Variants in FREM3 observed in about 807,000 individuals in gnomAD.
The protein encoded by FREM3 is FRAS1-related extracellular matrix protein 3.
FREM3 carries 105 observed loss-of-function variants against 129.1 expected under a neutral mutation model. That is an observed-to-expected ratio of 0.81 (90% CI 0.69 to 0.96). The LOEUF is 0.96. Among genes scored for constraint, FREM3 ranks in the 40% least tolerant of loss-of-function variants. The probability of loss-of-function intolerance (pLI) is 0.00; values close to 1 mark genes in which losing one functional copy is unlikely to be tolerated. For synonymous variants in FREM3, 1,014 were observed against 1,044.9 expected, an observed-to-expected ratio of 0.97 and a Z score of 0.57; for missense variants, 2,593 against 2,666.3, an observed-to-expected ratio of 0.97 and a Z score of 0.61.
At chr4:143,603,635 T>TA (rs1268127539) in intron 6 of FREM3, among the ~76,000 whole-genome samples, 1 of 152,100 alleles carries the variant, frequency 6.6e-6, no homozygotes, top group African/African-American at 2.4e-5. Flanking sequence ...GTATTATCTA[T>TA]ATGAGAAAGA....
chr4:143,673,983 C>G (rs542980822), intron 2 of FREM3, among the ~76,000 whole-genome samples: 2 of 152,326 alleles, frequency 1.3e-5, no homozygotes, highest in East Asian at 3.9e-4. Context: ...TTCCAGGTGC[C>G]CTCTGTCACA....
Position 143,696,127 on chromosome 4 carries a change from C to A in FREM3, c.4549G>T (p.Gly1517Cys), listed in dbSNP as rs770282209. The change falls in exon 1 of 8, where the codon GGC becomes TGC. Residue 1517 changes from glycine (G) to cysteine (C), a missense_variant. Around this residue, in one of 2 missense-constraint regions of FREM3, gnomAD observed 2,276 missense variants for 2,267.2 expected, o/e 1.00. Coordinates refer to ENST00000329798, the MANE Select transcript of FREM3 (RefSeq NM_001168235.2). ...GTTCTGAACACAGGGTAGAGTTCGC[C>A]GATCACTTGAAATTCGAAGCTGTCC... is the stretch of plus-strand genomic sequence containing the variant. ...KMDSFEFQVIGELYPVFRTFR... is the reference protein window; with the variant it reads ...KMDSFEFQVICELYPVFRTFR... The A allele has an allele frequency of 2.0e-6, 3 of 1,537,450 alleles. No individual in the cohort carries two copies. The highest frequency in any genetic ancestry group is 2.6e-6 in the Non-Finnish European group (3 of 1,146,962).
rs186809785 is a variant in FREM3 at position 143,583,918 on chromosome 4, C to T, written c.6178+1926G>A. ...ACACAATTGAGTCTGCATAATAAAC[C>T]GCTAACAACAAGATGACAGCATTAA... is the stretch of plus-strand genomic sequence containing the variant. On this transcript the variant is annotated intron_variant, in intron 7 of 7. Coordinates refer to ENST00000329798, the MANE Select transcript of FREM3 (RefSeq NM_001168235.2). Among the ~76,000 whole-genome samples the T allele has an allele frequency of 5.1e-3, 777 of 152,208 alleles. 4 individuals carry two copies. The highest frequency in any genetic ancestry group is 0.018 in the African/African-American group (734 of 41,524).
At chr4:143,642,442 A>G (rs1578847429) in intron 2 of FREM3, among the ~76,000 whole-genome samples, 1 of 152,208 alleles carries the variant, frequency 6.6e-6, no homozygotes, top group East Asian at 1.9e-4. Context: ...GAACAGACAC[A>G]CAGACCAATT....
rs1243778251 is a variant in FREM3, at chr4:143,699,342, T to C, written c.1334A>G (p.Glu445Gly). 10 of 1,537,198 alleles carry C rather than the reference T, an allele frequency of 6.5e-6. No individual in the cohort carries two copies. The highest frequency in any genetic ancestry group is 8.7e-6 in the Non-Finnish European group (10 of 1,146,924). ...ASHNRGLVLF[E>G]GQSRPLSSTH... is the part of the protein sequence containing the mutation. ...GCTGGACAAGGGCCTTGACTGACCT[T>C]CAAAAAGCACAAGTCCCCTGTTATG... Residue 445 changes from glutamate (E) to glycine (G), a missense_variant, in exon 1 of 8, where the codon GAA becomes GGA. This residue lies in a region of FREM3 where 2,276 missense variants were observed against 2,267.2 expected (regional missense o/e 1.00). Transcript: ENST00000329798. The surrounding 1 kb of genome is among the most constrained non-coding windows in gnomAD (Gnocchi z 4.2).
chr4:143,698,978 T>C lies in FREM3; in HGVS notation c.1698A>G (p.Val566=), dbSNP rs576975164. 1 of 1,537,170 alleles carries C rather than the reference T, an allele frequency of 6.5e-7. No individual in the cohort carries two copies. Among genetic ancestry groups the C allele is most frequent in the South Asian group, 1.2e-5 (1 of 84,056 alleles). Residue 566 remains valine (V), a synonymous_variant, in exon 1 of 8, where the codon GTA becomes GTG. Transcript: ENST00000329798. ...EGQVVQISPF[V]LSATDIDSED... is the part of the protein sequence containing the mutation. ...CAGAGTCAATATCAGTAGCACTCAG[T>C]ACAAAGGGAGAGATCTGGACCACCT...
chr4:143,678,208 C>A (rs1578865762), intron 2 of FREM3, among the ~76,000 whole-genome samples: 1 of 152,108 alleles, frequency 6.6e-6, no homozygotes, highest in East Asian at 1.9e-4. Context: ...TACTATGCAG[C>A]CATAAAAACT....
intron 2 of FREM3, among the ~76,000 whole-genome samples, chr4:143,659,709 G>A (rs1210892712): frequency 1.3e-5 from 2 of 150,366 alleles, no homozygotes; most frequent in East Asian, 3.9e-4. Context: ...CAGTGTAAAA[G>A]TGTTCCTATT....
chr4:143,604,556 T>A (rs1417719663), intron 6 of FREM3, among the ~76,000 whole-genome samples: 1 of 152,166 alleles, frequency 6.6e-6, no homozygotes, highest in Non-Finnish European at 1.5e-5. Context: ...TTTTCATTAA[T>A]TATTAATATC....
At chr4:143,593,502 C>T (rs1159897300) in intron 6 of FREM3, among the ~76,000 whole-genome samples, 3 of 152,132 alleles carry the variant, frequency 2.0e-5, no homozygotes, top group Non-Finnish European at 4.4e-5. Flanking sequence ...GAGGTCCACT[C>T]CAGACCCTGT....
At chr4:143,661,404 T>A (rs1350044156) in intron 2 of FREM3, among the ~76,000 whole-genome samples, 1 of 152,126 alleles carries the variant, frequency 6.6e-6, no homozygotes, top group African/African-American at 2.4e-5. Context: ...TTGATTTGCG[T>A]ATATTGAACC....
chr4:143,662,967 C>G (rs1413458889), intron 2 of FREM3, among the ~76,000 whole-genome samples: 1 of 152,032 alleles, frequency 6.6e-6, no homozygotes, highest in Non-Finnish European at 1.5e-5. Context: ...TATTTTGAGC[C>G]TATGTGTATT....
chr4:143,592,914 A>G (rs1322815186), intron 6 of FREM3, among the ~76,000 whole-genome samples: 4 of 152,016 alleles, frequency 2.6e-5, no homozygotes, highest in Non-Finnish European at 5.9e-5. Flanking sequence ...ATAGTCCCAT[A>G]TTTCTTGGAG....
At position 143,700,125 on chromosome 4, in the gene FREM3, C is replaced by T; in HGVS notation, c.551G>A (p.Trp184Ter). The T allele has an allele frequency of 6.5e-7, 1 of 1,537,072 alleles. No individual in the cohort carries two copies. Among genetic ancestry groups the T allele is most frequent in the South Asian group, 1.2e-5 (1 of 84,060 alleles). The part of the protein sequence containing the change: ...RPLVVEKLRS[W>*]SRAIDRRVLD... ...CACTCTCCTGTCTATGGCGCGGCTC[C>T]AGCTTCGCAGCTTCTCCACTACCAA... The change falls in exon 1 of 8, where the codon TGG becomes TAG. Residue 184 changes from tryptophan (W) to a stop codon, truncating the protein, a stop_gained. Transcript: ENST00000329798. LOFTEE classifies it high-confidence loss of function.
At position 143,609,072 on chromosome 4, in the gene FREM3, C is replaced by T. The variant is rs141583776; in HGVS notation, c.6028+2207G>A. ...GGAGGGAAAGGGTTCCTAGAGACAA[C>T]CCAATCAATCTCCTTATTTCAAGAT... On this transcript the variant is annotated intron_variant, in intron 6 of 7. Transcript: ENST00000329798. 6.6e-3 allele frequency among the ~76,000 whole-genome samples: 1,009 copies of T among 152,108 alleles called. 5 individuals carry two copies. Among genetic ancestry groups the T allele is most frequent in the South Asian group, 0.037 (177 of 4,814 alleles).
chr4:143,660,584 T>C (rs1739693737), intron 2 of FREM3, among the ~76,000 whole-genome samples: 1 of 152,310 alleles, frequency 6.6e-6, no homozygotes, highest in South Asian at 2.1e-4. Flanking sequence ...TTTGGTTCCA[T>C]GTGAACTTTA....
chr4:143,621,160 A>T lies in FREM3; in HGVS notation c.5656T>A (p.Ser1886Thr). 6.5e-7 allele frequency: 1 copy of T among 1,537,014 alleles called. No homozygotes were observed. Among genetic ancestry groups the T allele is most frequent in the Non-Finnish European group, 8.7e-7 (1 of 1,146,786 alleles). ...TVEIVDPGDE[S>T]TVYIPEAEYK... ...TCCGCCTCTGGAATATAAACTGTTG[A>T]TTCTAGAAAAGATGGCAGAAGACTT... is the stretch of plus-strand genomic sequence containing the variant. The change falls in exon 5 of 8, where the codon TCA (serine) becomes ACA (threonine). Residue 1886 changes from serine (S) to threonine (T), a missense_variant and splice_region_variant. Physicochemically the swap from Ser to Thr is moderately conservative, Grantham distance 58. Around this residue, in one of 2 missense-constraint regions of FREM3, gnomAD observed 317 missense variants for 399.0 expected, o/e 0.79. Coordinates refer to ENST00000329798, the MANE Select transcript of FREM3 (RefSeq NM_001168235.2).
chr4:143,639,705 C>G (rs1165726411), intron 2 of FREM3, among the ~76,000 whole-genome samples: 1 of 152,144 alleles, frequency 6.6e-6, no homozygotes, highest in Non-Finnish European at 1.5e-5. Flanking sequence ...TACAAACTGT[C>G]TGGGAACAGA....
In FREM3 at chr4:143,663,294, C is replaced by G. The variant is rs536981529; in HGVS notation, c.5275+29819G>C. On this transcript the variant is annotated intron_variant, in intron 2 of 7. Transcript: ENST00000329798. ...GGCAGGCCTGGTGGTGACAAAATCT[C>G]TCAGCATTTGCTTGTCTGTAAAGTA... is the stretch of plus-strand genomic sequence containing the variant. Among the ~76,000 whole-genome samples the G allele has an allele frequency of 1.2e-4, 18 of 152,210 alleles. 1 individual carries two copies. In the South Asian group the frequency reaches 3.7e-3, roughly 32 times the overall value.
Sources: gnomAD v4.1 joint callset for allele counts (sites outside exome capture counted in the v4.1 genomes callset) on GRCh38, gnomAD v4.1.1 for gene constraint, gnomAD v4.1.1 regional missense constraint, Gnocchi (gnomAD v3.1) non-coding constraint, MANE v1.5 for transcripts, NCBI Gene and HGNC (gene_info 2026-07-23, HGNC 2026-07-21) for gene names.